BFSP2: variants seen among roughly 807,000 people sequenced by gnomAD.
The protein encoded by BFSP2 is phakinin.
In BFSP2, 38 loss-of-function variants were observed where a neutral mutation model predicts 44.9. The ratio of observed to expected loss-of-function variants is 0.85; its 90% CI spans 0.65 to 1.11. The LOEUF (loss-of-function observed/expected upper bound fraction) is 1.11. BFSP2 is among the 50% of genes least tolerant of loss of function. BFSP2 has a pLI of 0.00. For synonymous variants in BFSP2, 197 were observed against 209.9 expected (o/e 0.94, Z 0.53); for missense variants, 525 against 533.0 (o/e 0.99, Z 0.15).
At chr3:133,434,810 C>T (rs546552781) in intron 1 of BFSP2, among the ~76,000 whole-genome samples, 1 of 152,290 alleles carries the variant, frequency 6.6e-6, no homozygotes, top group Non-Finnish European at 1.5e-5. Context: ...AGAGAACAAA[C>T]CCCCTTTGAC....
chr3:133,426,288 C>G (rs916194120), intron 1 of BFSP2, among the ~76,000 whole-genome samples: 1 of 152,018 alleles, frequency 6.6e-6, no homozygotes, highest in Non-Finnish European at 1.5e-5. Context: ...CCCAAATGCC[C>G]CCTGCTGACG....
At chr3:133,439,747 G>A (rs888451874) in intron 1 of BFSP2, among the ~76,000 whole-genome samples, 1 of 152,200 alleles carries the variant, frequency 6.6e-6, no homozygotes, top group Non-Finnish European at 1.5e-5. Flanking sequence ...CTAGACTGAA[G>A]AGCAAGGTCC....
At chr3:133,429,892 C>T (rs969682571) in intron 1 of BFSP2, among the ~76,000 whole-genome samples, 3 of 151,646 alleles carry the variant, frequency 2.0e-5, no homozygotes, top group Non-Finnish European at 4.4e-5. Context: ...TCTCCTAATG[C>T]TATCCCTCCC....
chr3:133,424,939 C>T (rs2073630191), intron 1 of BFSP2, among the ~76,000 whole-genome samples: 1 of 152,206 alleles, frequency 6.6e-6, no homozygotes, highest in Non-Finnish European at 1.5e-5. Flanking sequence ...TGGCCTGGTT[C>T]TGATCCCTTT....
At position 133,450,301 on chromosome 3, in the gene BFSP2, A is replaced by G. The variant is rs1224994858; in HGVS notation, c.730-2A>G. 1 of 1,614,176 alleles carries G rather than the reference A, an allele frequency of 6.2e-7. No individual in the cohort carries two copies. The highest frequency in any genetic ancestry group is 8.5e-7 in the Non-Finnish European group (1 of 1,180,020). On this transcript the variant is annotated splice_acceptor_variant, in intron 3 of 6. Coordinates refer to ENST00000302334, the MANE Select transcript of BFSP2 (RefSeq NM_003571.4). LOFTEE classifies it high-confidence loss of function. ...ATCTAAGATGTATATTGTTGTTTTC[A>G]GGATGTGAAGCTGCTGCACAAACAG...
At chr3:133,428,070 A>C (rs1191244522) in intron 1 of BFSP2, among the ~76,000 whole-genome samples, 1 of 152,188 alleles carries the variant, frequency 6.6e-6, no homozygotes, top group Non-Finnish European at 1.5e-5. Flanking sequence ...GTTGGATTCC[A>C]GAGTCTGTAT....
At chr3:133,474,897 C>A in intron 6 of BFSP2, 72 bp from the exon 7 acceptor site, 1 of 1,583,918 alleles carries the variant, frequency 6.3e-7, no homozygotes, top group Non-Finnish European at 8.7e-7. Flanking sequence ...CCCCCTTTCT[C>A]GTAATCCTAT....
intron 4 of BFSP2, among the ~76,000 whole-genome samples, chr3:133,463,756 G>A (rs751523864): frequency 1.3e-5 from 2 of 152,144 alleles, no homozygotes; most frequent in Non-Finnish European, 2.9e-5. Context: ...TTCCCTGCCA[G>A]CTGTGACAAG....
chr3:133,472,258 C>A, intron 5 of BFSP2, 87 bp from the exon 6 acceptor site: 1 of 1,423,856 alleles, frequency 7.0e-7, no homozygotes, highest in Non-Finnish European at 9.6e-7. Flanking sequence ...CAGGCTACCA[C>A]CAGCCCCTGC....
chr3:133,460,401 A>C (rs1220103315), intron 4 of BFSP2, among the ~76,000 whole-genome samples: 4 of 152,276 alleles, frequency 2.6e-5, no homozygotes, highest in African/African-American at 9.6e-5. Flanking sequence ...GACCACATGA[A>C]TGGGGGGACC....
chr3:133,431,382 C>A (rs1276741419), intron 1 of BFSP2, among the ~76,000 whole-genome samples: 5 of 152,138 alleles, frequency 3.3e-5, no homozygotes, highest in East Asian at 1.9e-4. Flanking sequence ...CCTCCAGAAC[C>A]TCCTCCCCCA....
Position 133,471,631 on chromosome 3 carries a change from G to A in BFSP2, c.1024-714G>A, listed in dbSNP as rs1449070639. ...TCAACGCAGGACGTGGCCTGGAGACGACTCATGAGTATGTTCAAATCATGA... is the reference window on the plus strand; with the variant it reads ...TCAACGCAGGACGTGGCCTGGAGACAACTCATGAGTATGTTCAAATCATGA... On this transcript the variant is annotated intron_variant, in intron 5 of 6. Coordinates refer to ENST00000302334, the MANE Select transcript of BFSP2 (RefSeq NM_003571.4). 2.6e-5 allele frequency among the ~76,000 whole-genome samples: 4 copies of A among 152,100 alleles called. No homozygotes were observed. In the South Asian group the frequency reaches 6.2e-4, roughly 24 times the overall value.
intron 1 of BFSP2, among the ~76,000 whole-genome samples, chr3:133,431,624 CG>C (rs1450076936): frequency 2.6e-5 from 4 of 152,154 alleles, no homozygotes; most frequent in African/African-American, 9.7e-5. Flanking sequence ...TCAGAAGCCC[CG>C]CAGACCATCA....
intron 4 of BFSP2, among the ~76,000 whole-genome samples, chr3:133,458,915 G>A (rs1211292301): frequency 6.6e-6 from 1 of 152,162 alleles, no homozygotes; most frequent in African/African-American, 2.4e-5. Flanking sequence ...GGACAAACCA[G>A]GTGCAAGGCC....
intron 1 of BFSP2, among the ~76,000 whole-genome samples, chr3:133,421,354 A>G (rs76732254): frequency 0.03 from 4,499 of 152,318 alleles, 97 homozygotes; most frequent in Non-Finnish European, 0.041. Flanking sequence ...TAGCAGGGGC[A>G]GCTCCTTGTG....
chr3:133,446,997 A>C (rs2073908335), intron 1 of BFSP2, among the ~76,000 whole-genome samples: 1 of 152,000 alleles, frequency 6.6e-6, no homozygotes, highest in Admixed American at 6.5e-5. Flanking sequence ...TCATCTAAGG[A>C]GCCGGACTCT....
At chr3:133,436,181 C>T (rs1053474809) in intron 1 of BFSP2, among the ~76,000 whole-genome samples, 1 of 151,982 alleles carries the variant, frequency 6.6e-6, no homozygotes, top group African/African-American at 2.4e-5. Flanking sequence ...AAAAAATTAG[C>T]TGAGTGCAGT....
intron 4 of BFSP2, among the ~76,000 whole-genome samples, chr3:133,456,543 T>G (rs2074014862): frequency 6.6e-6 from 1 of 152,040 alleles, no homozygotes; most frequent in African/African-American, 2.4e-5. Flanking sequence ...GCCCAGGAGT[T>G]CAAGACCAGC....
At chr3:133,449,075 G>A (rs1469193372) in intron 3 of BFSP2, 2 of 203,014 alleles carry the variant, frequency 9.9e-6, no homozygotes, top group African/African-American at 4.7e-5. Context: ...TGACAGAACT[G>A]AAGAGGACCT....
Sources: gnomAD v4.1 joint callset for allele counts (sites outside exome capture counted in the v4.1 genomes callset) on GRCh38, gnomAD v4.1.1 for gene constraint, MANE v1.5 for transcripts, NCBI Gene and HGNC (gene_info 2026-07-23, HGNC 2026-07-21) for gene names.